Variants in PDE4D observed in about 807,000 individuals in gnomAD.
PDE4D encodes phosphodiesterase 4D, also known as 3',5'-cyclic-AMP phosphodiesterase 4D.
Under a neutral mutation model 87.4 loss-of-function variants are expected in PDE4D, and 24 were observed. The observed-to-expected ratio is 0.27, with a 90% CI of 0.20 to 0.39. The LOEUF (loss-of-function observed/expected upper bound fraction) is 0.39, where lower values mean the gene tolerates loss of function less well. Among genes scored for constraint, PDE4D ranks in the 10% least tolerant of loss-of-function variants. The pLI, the probability that PDE4D is intolerant of heterozygous loss-of-function variation, is 1.00. For synonymous variants in PDE4D, 384 were observed against 383.2 expected (o/e 1.00, Z -0.02); for missense variants, 714 against 1,041.0 (o/e 0.69, Z 4.32).
chr5:60,141,058 G>A (rs993191948), intron 2 of PDE4D, among the ~76,000 whole-genome samples: 8 of 152,104 alleles, frequency 5.3e-5, no homozygotes, highest in African/African-American at 1.9e-4. Flanking sequence ...TTTTCGTGGA[G>A]TTCATAGATT....
intron 1 of PDE4D, among the ~76,000 whole-genome samples, chr5:59,305,580 G>A (rs1771168409): frequency 6.6e-6 from 1 of 152,050 alleles, no homozygotes; most frequent in Non-Finnish European, 1.5e-5. Flanking sequence ...CTGTATCCCA[G>A]AGGTTTTGAT....
At chr5:59,115,890 A>G (rs568207934) in intron 5 of PDE4D, among the ~76,000 whole-genome samples, 2 of 152,310 alleles carry the variant, frequency 1.3e-5, no homozygotes, top group Admixed American at 1.3e-4. Context: ...GCCATAATCT[A>G]TGATTACATA....
At chr5:60,154,132 T>G (rs1257479109) in intron 2 of PDE4D, among the ~76,000 whole-genome samples, 2 of 152,198 alleles carry the variant, frequency 1.3e-5, no homozygotes, top group African/African-American at 4.8e-5. Context: ...AGTGAAACAG[T>G]GCTTTTTTTC....
intron 1 of PDE4D, among the ~76,000 whole-genome samples, chr5:59,574,108 A>ATATATATT (rs1822578626): frequency 3.1e-5 from 1 of 32,378 alleles, no homozygotes; most frequent in African/African-American, 1.8e-4. Context: ...ATATATTTAT[A>ATATATATT]TATATATATA....
At chr5:59,780,543 T>A (rs1764513320) in intron 1 of PDE4D, among the ~76,000 whole-genome samples, 1 of 152,242 alleles carries the variant, frequency 6.6e-6, no homozygotes, top group Non-Finnish European at 1.5e-5. Context: ...ATGTTTTAAA[T>A]TGCTTTTCCT....
intron 1 of PDE4D, among the ~76,000 whole-genome samples, chr5:60,220,674 A>T (rs78536470): frequency 0.041 from 6,226 of 152,214 alleles, 240 homozygotes; most frequent in African/African-American, 0.098. Flanking sequence ...ATTGCAGAAA[A>T]AACCTTCCCC....
chr5:60,032,353 T>C (rs28388570), intron 2 of PDE4D, among the ~76,000 whole-genome samples: 23,129 of 152,174 alleles, frequency 0.15, 1,796 homozygotes, highest in Middle Eastern at 0.23. Context: ...AAATTAGCCA[T>C]ACAACTTCTA....
At chr5:60,417,629 G>A (rs1394430893) in intron 1 of PDE4D, among the ~76,000 whole-genome samples, 1 of 152,166 alleles carries the variant, frequency 6.6e-6, no homozygotes, top group Non-Finnish European at 1.5e-5. Flanking sequence ...GGTGGCAACA[G>A]GAATCTCAAC....
chr5:59,255,423 G>C (rs139567990), intron 1 of PDE4D, among the ~76,000 whole-genome samples: 1,710 of 152,170 alleles, frequency 0.011, 35 homozygotes, highest in African/African-American at 0.039. Flanking sequence ...GGAGGCAGGT[G>C]ATATGGAGCA....
At chr5:59,232,696 ATC>A (rs1407728349) in intron 1 of PDE4D, among the ~76,000 whole-genome samples, 3 of 152,118 alleles carry the variant, frequency 2.0e-5, no homozygotes, top group Non-Finnish European at 2.9e-5. Flanking sequence ...AGGAAAGGAA[ATC>A]TGTATATCAA....
chr5:59,969,669 G>A (rs977594906), intron 3 of PDE4D, among the ~76,000 whole-genome samples: 1 of 152,098 alleles, frequency 6.6e-6, no homozygotes, highest in African/African-American at 2.4e-5. Context: ...TGAACCATGG[G>A]GACAGTTACC....
chr5:59,358,899 A>G (rs548963380), intron 1 of PDE4D, among the ~76,000 whole-genome samples: 1 of 152,344 alleles, frequency 6.6e-6, no homozygotes, highest in African/African-American at 2.4e-5. Context: ...TAAAAGCTAC[A>G]GTTTATGTAT....
intron 1 of PDE4D, among the ~76,000 whole-genome samples, chr5:59,393,141 G>T (rs997455230): frequency 5.3e-5 from 8 of 152,030 alleles, no homozygotes; most frequent in Admixed American, 2.6e-4. Context: ...AGTCAACCTA[G>T]GACAAAAATC....
intron 2 of PDE4D, among the ~76,000 whole-genome samples, chr5:60,076,545 G>A (rs1773315216): frequency 6.6e-6 from 1 of 152,138 alleles, no homozygotes; most frequent in Admixed American, 6.5e-5. Context: ...GTGGTATAAG[G>A]TGGGTTCAGT....
chr5:60,423,751 T>A (rs1247727574), intron 1 of PDE4D, among the ~76,000 whole-genome samples: 1 of 151,954 alleles, frequency 6.6e-6, no homozygotes, highest in Non-Finnish European at 1.5e-5. Context: ...AATCAATGAA[T>A]CCAGAAGTTG....
chr5:60,045,666 T>C (rs1769137483), intron 2 of PDE4D, among the ~76,000 whole-genome samples: 1 of 152,198 alleles, frequency 6.6e-6, no homozygotes, highest in South Asian at 2.1e-4. Context: ...AAAGATCAGA[T>C]AGTTGTAGAT....
chr5:59,105,695 T>A (rs1321601698), intron 5 of PDE4D, among the ~76,000 whole-genome samples: 3 of 152,234 alleles, frequency 2.0e-5, no homozygotes, highest in Non-Finnish European at 2.9e-5. Flanking sequence ...GCTTTGTGCT[T>A]CTTAAGCTTT....
rs76075836 is a variant in PDE4D at position 59,586,752 on chromosome 5, G to T, written c.455+306416C>A. On this transcript the variant is annotated intron_variant, in intron 1 of 14. Coordinates refer to ENST00000340635, the MANE Select transcript of PDE4D (RefSeq NM_001104631.2). ...AATGCATCCTTAAGGAAGGACTCTG[G>T]AATGTGGGAAGAAAGGAGTCAAAAG... The T allele has an allele frequency of 1.1e-3, 1,129 of 985,436 alleles. 13 individuals carry two copies. The African/African-American group carries it at 0.019, about 16-fold the overall frequency. 61.0% of individuals were successfully genotyped at this position (985,436 alleles called of 1,614,324 possible).
intron 10 of PDE4D, among the ~76,000 whole-genome samples, chr5:58,989,412 A>G (rs1747330961): frequency 6.6e-6 from 1 of 152,082 alleles, no homozygotes; most frequent in Admixed American, 6.6e-5. Context: ...ATGTTTTATA[A>G]AACGTTCTTT....
Sources: allele counts gnomAD v4.1 joint callset (sites outside exome capture counted in the v4.1 genomes callset), GRCh38; gene constraint gnomAD v4.1.1; transcripts MANE v1.5; gene names NCBI Gene and HGNC (gene_info 2026-07-23, HGNC 2026-07-21).